AMH: variants seen among roughly 807,000 people sequenced by gnomAD.
AMH encodes anti-Muellerian hormone.
Under a neutral mutation model 33.3 loss-of-function variants are expected in AMH, and 39 were observed. The observed-to-expected ratio is 1.17, with a 90% confidence interval of 0.91 to 1.53. The LOEUF (loss-of-function observed/expected upper bound fraction) is 1.53. Among genes scored for constraint, AMH ranks in the 40% most tolerant of loss-of-function variants. The pLI, the probability that AMH is intolerant of heterozygous loss-of-function variation, is 0.00. For missense variants in AMH, 1,019 were observed against 799.8 expected, an observed-to-expected ratio of 1.27 and a Z score of -3.30; for synonymous variants, 536 against 403.0, an observed-to-expected ratio of 1.33 and a Z score of -3.95.
Position 2,250,327 on chromosome 19 carries a change from C to A in AMH, c.413-10C>A. 1 of 1,593,018 alleles carries A rather than the reference C, an allele frequency of 6.3e-7. No individual in the cohort carries two copies. The highest frequency in any genetic ancestry group is 8.5e-7 in the Non-Finnish European group (1 of 1,174,630). ...AATGGCTCAGGCGTCCCCTGCTGTC[C>A]CGGCTGCAGTGACCTGGGAGCCAAC... On this transcript the variant is annotated splice_polypyrimidine_tract_variant and intron_variant, in intron 1 of 4. Coordinates refer to ENST00000221496, the MANE Select transcript of AMH (RefSeq NM_000479.5).
Position 2,251,146 on chromosome 19 carries a change from T to C in AMH, c.872T>C (p.Leu291Pro). 3.3e-6 allele frequency: 5 copies of C among 1,530,296 alleles called. No individual in the cohort carries two copies. The highest frequency in any genetic ancestry group is 4.4e-6 in the Non-Finnish European group (5 of 1,145,558). The allele number at this position is 1,530,296 out of a possible 1,614,324, so 94.8% of individuals were successfully genotyped here. A position where few individuals can be genotyped will look rare whatever the true frequency, so the allele number is the denominator to read the frequency against. The change falls in exon 5 of 5, where the codon CTG becomes CCG. Residue 291 changes from leucine to proline, a missense_variant. By Grantham distance (98) the Leu-to-Pro change is moderately conservative. Transcript: ENST00000221496. ...EESPPSADPF[L>P]ETLTRLVRAL... ...TCGCCACCCAGCGCAGACCCCTTCC[T>C]GGAGACGCTCACGCGCCTGGTGCGG...
At position 2,251,852 on chromosome 19, in the gene AMH, C is replaced by T. The variant is rs762247916; in HGVS notation, c.1578C>T (p.Cys526=). The T allele has an allele frequency of 6.3e-7, 1 of 1,594,300 alleles. No individual in the cohort carries two copies. Among genetic ancestry groups the T allele is most frequent in the South Asian group, 1.1e-5 (1 of 90,016 alleles). Residue 526 remains cysteine, a synonymous_variant, in exon 5 of 5, where the codon TGC becomes TGT. Coordinates refer to ENST00000221496, the MANE Select transcript of AMH (RefSeq NM_000479.5). ...RGAALARPPC[C]VPTAYAGKLL... is the part of the protein sequence containing the mutation. ...CCGCCCTGGCGCGCCCACCCTGCTG[C>T]GTGCCCACCGCCTACGCGGGCAAGC... is the stretch of plus-strand genomic sequence containing the variant.
chr19:2,250,602 C>T (rs1183350688), intron 2 of AMH, 50 bp from the exon 3 acceptor site: 10 of 1,536,078 alleles, frequency 6.5e-6, no homozygotes, highest in African/African-American at 2.7e-5. Context: ...ACCGGTAGAG[C>T]GGGGCTGGGT....
In AMH at chr19:2,251,989, G is replaced by T. The variant is rs1257511107; in HGVS notation, c.*32G>T. On this transcript the variant is annotated 3_prime_UTR_variant, in exon 5 of 5. Transcript: ENST00000221496. ...CGCCGCGCGGACTCCTGCCCCGAGG[G>T]TCCGGACGCGCCCCAGCTCGCGCCC... 6.5e-7 allele frequency: 1 copy of T among 1,531,622 alleles called. No individual in the cohort carries two copies. The highest frequency in any genetic ancestry group is 8.7e-7 in the Non-Finnish European group (1 of 1,145,246). 94.9% of individuals were successfully genotyped at this position (1,531,622 alleles called of 1,614,324 possible). A position where few individuals can be genotyped will look rare whatever the true frequency, so the allele number is the denominator to read the frequency against.
Position 2,251,014 on chromosome 19 carries a change from C to T in AMH, c.824+6C>T, listed in dbSNP as rs1255916457. On this transcript the variant is annotated splice_donor_region_variant and intron_variant, in intron 4 of 4. Transcript: ENST00000221496. ...GTGCCCTTCCCGCCGCCCAGGTGCG[C>T]GCAGGCACCGGGACACGGGGCAGGA... 1.3e-6 allele frequency: 2 copies of T among 1,515,162 alleles called. No homozygotes were observed. The allele number at this position is 1,515,162 out of a possible 1,614,324, so 93.9% of individuals were successfully genotyped here. A position where few individuals can be genotyped will look rare whatever the true frequency, so the allele number is the denominator to read the frequency against.
In AMH at chr19:2,251,760, C is replaced by A. The variant is rs1355379520; in HGVS notation, c.1486C>A (p.Gln496Lys). ...NNCQGVCGWP[Q>K]SDRNPRYGNH... is the part of the protein sequence containing the mutation. ...TTGCCAGGGCGTGTGCGGCTGGCCTCAGTCCGACCGCAACCCGCGCTACGG... is the reference window on the plus strand; with the variant it reads ...TTGCCAGGGCGTGTGCGGCTGGCCTAAGTCCGACCGCAACCCGCGCTACGG... Residue 496 changes from glutamine (Q) to lysine (K), a missense_variant, in exon 5 of 5, where the codon CAG becomes AAG. Transcript: ENST00000221496. 5 of 1,611,296 alleles carry A rather than the reference C, an allele frequency of 3.1e-6. No homozygotes were observed. In the African/African-American group the frequency reaches 5.3e-5, roughly 17 times the overall value.
intron 1 of AMH, 43 bp downstream of exon 1, chr19:2,249,787 T>C: frequency 6.8e-7 from 1 of 1,461,620 alleles, no homozygotes; most frequent in Non-Finnish European, 9.0e-7. Context: ...CCGTCTTCCT[T>C]CAGGTGGGCC....
chr19:2,249,935 GCT>G, intron 1 of AMH, 191 bp downstream of exon 1: 1 of 715,034 alleles, frequency 1.4e-6, no homozygotes, highest in East Asian at 2.7e-5. Context: ...CCGAAGCCCA[GCT>G]CTTAGACTTG....
At chr19:2,250,242 C>T (rs768888326) in intron 1 of AMH, 95 bp from the exon 2 acceptor site, 2 of 1,532,474 alleles carry the variant, frequency 1.3e-6, no homozygotes, top group Non-Finnish European at 1.7e-6. Flanking sequence ...TTGAGGTCCC[C>T]TGCACAGTGG....
At position 2,251,180 on chromosome 19, in the gene AMH, G is replaced by A. The variant is rs758405250; in HGVS notation, c.906G>A (p.Arg302=). 1.4e-4 allele frequency: 215 copies of A among 1,512,882 alleles called. No homozygotes were observed. Among genetic ancestry groups the A allele is most frequent in the Non-Finnish European group, 1.5e-4 (174 of 1,137,320 alleles). The allele number at this position is 1,512,882 out of a possible 1,614,324, so 93.7% of individuals were successfully genotyped here. ...TCACGCGCCTGGTGCGGGCGCTGCGGGTCCCCCCGGCCCGGGCCTCCGCGC... is the reference window on the plus strand; with the variant it reads ...TCACGCGCCTGGTGCGGGCGCTGCGAGTCCCCCCGGCCCGGGCCTCCGCGC... ...ETLTRLVRAL[R]VPPARASAPR... Residue 302 remains arginine, a synonymous_variant, in exon 5 of 5, where the codon CGG becomes CGA. Transcript: ENST00000221496.
chr19:2,251,463 C>T lies in AMH; in HGVS notation c.1189C>T (p.Pro397Ser). The part of the protein sequence containing the change: ...AAELRSLPGL[P>S]PATAPLLARL... ...CGAGCTGCGAAGCCTCCCGGGTCTGCCTCCGGCCACAGCCCCGCTGCTGGC... is the reference window on the plus strand; with the variant it reads ...CGAGCTGCGAAGCCTCCCGGGTCTGTCTCCGGCCACAGCCCCGCTGCTGGC... The change falls in exon 5 of 5, where the codon CCT (proline) becomes TCT (serine). Residue 397 changes from proline to serine, a missense_variant. By Grantham distance (74) the Pro-to-Ser change is moderately conservative (BLOSUM62 -1). Transcript: ENST00000221496. The T allele has an allele frequency of 4.2e-6, 6 of 1,419,212 alleles. No homozygotes were observed. Among genetic ancestry groups the T allele is most frequent in the South Asian group, 1.4e-5 (1 of 69,412 alleles). The allele number at this position is 1,419,212 out of a possible 1,614,324, so 87.9% of individuals were successfully genotyped here.
At position 2,251,641 on chromosome 19, in the gene AMH, C is replaced by T. The variant is rs751986372; in HGVS notation, c.1367C>T (p.Thr456Ile). Residue 456 changes from threonine (T) to isoleucine (I), a missense_variant, in exon 5 of 5, where the codon ACC becomes ATC. Thr to Ile is a moderately conservative substitution (Grantham distance 89, BLOSUM62 -1). Coordinates refer to ENST00000221496, the MANE Select transcript of AMH (RefSeq NM_000479.5). ...PGRAQRSAGA[T>I]AADGPCALRE... ...CGGGCACAGCGCAGCGCGGGGGCCA[C>T]CGCCGCCGACGGGCCGTGCGCGCTG... 6.3e-7 allele frequency: 1 copy of T among 1,591,262 alleles called. No homozygotes were observed. Among genetic ancestry groups the T allele is most frequent in the East Asian group, 2.3e-5 (1 of 43,218 alleles).
chr19:2,251,389 C>T lies in AMH; in HGVS notation c.1115C>T (p.Ala372Val), dbSNP rs541377806. The change falls in exon 5 of 5, where the codon GCC (alanine) becomes GTC (valine). Residue 372 changes from alanine to valine, a missense_variant. By Grantham distance (64) the Ala-to-Val change is moderately conservative. Transcript: ENST00000221496. ...PLHDPTSAPW[A>V]TALARRVAAE... ...CACGACCCCACGTCGGCGCCGTGGGCCACGGCCCTGGCGCGCCGCGTGGCT... is the reference window on the plus strand; with the variant it reads ...CACGACCCCACGTCGGCGCCGTGGGTCACGGCCCTGGCGCGCCGCGTGGCT... 342 of 1,465,182 alleles carry T rather than the reference C, an allele frequency of 2.3e-4. No individual in the cohort carries two copies. The East Asian group carries it at 2.6e-3, about 11-fold the overall frequency. The allele number at this position is 1,465,182 out of a possible 1,614,324, so 90.8% of individuals were successfully genotyped here.
In AMH at chr19:2,251,642, C is replaced by A; in HGVS notation, c.1368C>A (p.Thr456=). The part of the protein sequence containing the change: ...PGRAQRSAGA[T]AADGPCALRE... ...GGGCACAGCGCAGCGCGGGGGCCAC[C>A]GCCGCCGACGGGCCGTGCGCGCTGC... Residue 456 remains threonine (T), a synonymous_variant, in exon 5 of 5, where the codon ACC becomes ACA. Coordinates refer to ENST00000221496, the MANE Select transcript of AMH (RefSeq NM_000479.5). The A allele has an allele frequency of 6.3e-7, 1 of 1,591,980 alleles. No individual in the cohort carries two copies. Among genetic ancestry groups the A allele is most frequent in the Non-Finnish European group, 8.5e-7 (1 of 1,172,160 alleles).
Position 2,250,425 on chromosome 19 carries a change from C to T in AMH, c.501C>T (p.Tyr167=), listed in dbSNP as rs779588404. Residue 167 remains tyrosine, a synonymous_variant, in exon 2 of 5, where the codon TAC becomes TAT. Coordinates refer to ENST00000221496, the MANE Select transcript of AMH (RefSeq NM_000479.5). ...CAGAGCTGGCGCTGCTGGTGCTGTACCCTGGGCCTGGCCCTGAGGTCACTG... is the reference window on the plus strand; with the variant it reads ...CAGAGCTGGCGCTGCTGGTGCTGTATCCTGGGCCTGGCCCTGAGGTCACTG... ...GPPELALLVL[Y]PGPGPEVTVT... The T allele has an allele frequency of 3.8e-6, 6 of 1,562,314 alleles. No individual in the cohort carries two copies. Among genetic ancestry groups the T allele is most frequent in the South Asian group, 2.4e-5 (2 of 84,994 alleles).
At position 2,249,734 on chromosome 19, in the gene AMH, C is replaced by T; in HGVS notation, c.402C>T (p.His134=). Residue 134 remains histidine, a synonymous_variant, in exon 1 of 5, where the codon CAC becomes CAT. Coordinates refer to ENST00000221496, the MANE Select transcript of AMH (RefSeq NM_000479.5). The part of the protein sequence containing the change: ...DPGGQRLVVL[H]LEEVTWEPTP... ...GGGGGCAGCGCCTGGTGGTCCTACA[C>T]CTGGAGGAAGGTATGTGGGGCCCAG... The T allele has an allele frequency of 6.6e-7, 1 of 1,504,764 alleles. No individual in the cohort carries two copies. Among genetic ancestry groups the T allele is most frequent in the Non-Finnish European group, 8.8e-7 (1 of 1,132,010 alleles). 93.2% of individuals were successfully genotyped at this position (1,504,764 alleles called of 1,614,324 possible). A position where few individuals can be genotyped will look rare whatever the true frequency, so the allele number is the denominator to read the frequency against.
At position 2,249,744 on chromosome 19, in the gene AMH, G is replaced by A; in HGVS notation, c.412G>A (p.Val138Met). The change falls in exon 1 of 5, where the codon GTG becomes ATG. Residue 138 changes from valine (V) to methionine (M), a missense_variant and splice_region_variant. Transcript: ENST00000221496. ...CCTGGTGGTCCTACACCTGGAGGAA[G>A]GTATGTGGGGCCCAGCCCCAAGCTT... ...QRLVVLHLEE[V>M]TWEPTPSLRF... The A allele has an allele frequency of 6.7e-7, 1 of 1,501,040 alleles. No homozygotes were observed. The highest frequency in any genetic ancestry group is 8.9e-7 in the Non-Finnish European group (1 of 1,129,938). The allele number at this position is 1,501,040 out of a possible 1,614,324, so 93.0% of individuals were successfully genotyped here. A position where few individuals can be genotyped will look rare whatever the true frequency, so the allele number is the denominator to read the frequency against.
rs1230791741 is a variant in AMH at position 2,250,865 on chromosome 19, C to T, written c.681C>T (p.Thr227=). ...QPRGEDSRLS[T]ARLQALLFGD... is the part of the protein sequence containing the mutation. ...CCACCGCAGACTCCCGGCTGAGTAC[C>T]GCCCGGCTGCAGGCACTGCTGTTCG... is the stretch of plus-strand genomic sequence containing the variant. Residue 227 remains threonine, a synonymous_variant, in exon 4 of 5, where the codon ACC becomes ACT. Transcript: ENST00000221496. 5 of 1,572,156 alleles carry T rather than the reference C, an allele frequency of 3.2e-6. No homozygotes were observed. The highest frequency in any genetic ancestry group is 1.3e-5 in the African/African-American group (1 of 74,436).
At chr19:2,250,171 C>T in intron 1 of AMH, 166 bp from the exon 2 acceptor site, 2 of 1,191,402 alleles carry the variant, frequency 1.7e-6, no homozygotes, top group South Asian at 1.4e-5. Context: ...CCTGCCTGCC[C>T]CTGCCGTCAC....
Sources: allele counts gnomAD v4.1 joint callset, GRCh38; gene constraint gnomAD v4.1.1; transcripts MANE v1.5; gene names NCBI Gene and HGNC (gene_info 2026-07-23, HGNC 2026-07-21).